Variants in LOC128462377 observed in about 807,000 individuals in gnomAD.
the LOC128462377 span, among the ~76,000 whole-genome samples, chr16:89,411,569 A>C: frequency 6.6e-6 from 1 of 151,770 alleles, no homozygotes; most frequent in African/African-American, 2.4e-5. Context: ...ACACACAACC[A>C]CGCCTGGCTA....
the LOC128462377 span, among the ~76,000 whole-genome samples, chr16:89,347,391 C>G: frequency 1.3e-5 from 2 of 152,078 alleles, no homozygotes; most frequent in African/African-American, 4.8e-5. Flanking sequence ...AGGCGGATCA[C>G]GAGGTCAGGA....
At chr16:89,400,887 C>T in the LOC128462377 span, among the ~76,000 whole-genome samples, 2 of 152,130 alleles carry the variant, frequency 1.3e-5, no homozygotes, top group Admixed American at 1.3e-4. Context: ...ACCTTGGACG[C>T]CTGTCGCCCT....
At chr16:89,364,637 A>T in the LOC128462377 span, among the ~76,000 whole-genome samples, 2 of 152,208 alleles carry the variant, frequency 1.3e-5, no homozygotes, top group Non-Finnish European at 2.9e-5. Context: ...AAAATACACC[A>T]ATGCTAACAA....
At chr16:89,355,180 G>T in the LOC128462377 span, among the ~76,000 whole-genome samples, 466 of 152,234 alleles carry the variant, frequency 3.1e-3, 4 homozygotes, top group African/African-American at 0.011. Flanking sequence ...CCCATCCCAG[G>T]CGAACCTATG....
At chr16:89,406,864 A>C in the LOC128462377 span, among the ~76,000 whole-genome samples, 1 of 152,210 alleles carries the variant, frequency 6.6e-6, no homozygotes, top group African/African-American at 2.4e-5. Context: ...GGAAAAGGGA[A>C]CAGGAGACAA....
the LOC128462377 span, among the ~76,000 whole-genome samples, chr16:89,389,788 G>T: frequency 6.9e-6 from 1 of 145,806 alleles, no homozygotes; most frequent in Non-Finnish European, 1.5e-5. Flanking sequence ...GGCAAACACC[G>T]AGTGTGGCGG....
At chr16:89,379,002 G>A in the LOC128462377 span, among the ~76,000 whole-genome samples, 1 of 152,198 alleles carries the variant, frequency 6.6e-6, no homozygotes, top group Non-Finnish European at 1.5e-5. Context: ...GCGTCAAGAC[G>A]CCTCCTGCAG....
At chr16:89,387,625 A>G in the LOC128462377 span, among the ~76,000 whole-genome samples, 1 of 148,840 alleles carries the variant, frequency 6.7e-6, no homozygotes, top group African/African-American at 2.5e-5. Flanking sequence ...GTGAGCCGAG[A>G]CTGCACCACT....
At chr16:89,344,559 T>C in the LOC128462377 span, among the ~76,000 whole-genome samples, 2 of 152,254 alleles carry the variant, frequency 1.3e-5, no homozygotes, top group Non-Finnish European at 2.9e-5. Flanking sequence ...CCTCCTTGTC[T>C]GAACGCTGCC....
chr16:89,339,099 T>A, the LOC128462377 span, among the ~76,000 whole-genome samples: 1 of 152,146 alleles, frequency 6.6e-6, no homozygotes, highest in Non-Finnish European at 1.5e-5. Context: ...TGGGTGAGCG[T>A]TGCACCCCCA....
the LOC128462377 span, among the ~76,000 whole-genome samples, chr16:89,363,838 C>A: frequency 2.0e-5 from 3 of 152,026 alleles, no homozygotes; most frequent in African/African-American, 7.2e-5. Context: ...GGAGGACTGA[C>A]TGAGGCAAAA....
the LOC128462377 span, among the ~76,000 whole-genome samples, chr16:89,350,379 A>G: frequency 2.6e-5 from 4 of 152,202 alleles, no homozygotes; most frequent in African/African-American, 9.7e-5. Context: ...TACTCATATC[A>G]GCTTGACTCC....
chr16:89,415,350 C>T, the LOC128462377 span, among the ~76,000 whole-genome samples: 15 of 149,450 alleles, frequency 1.0e-4, 1 homozygote, highest in African/African-American at 3.0e-4. Context: ...CTGCAAGCTC[C>T]GCCTCCCAGG....
the LOC128462377 span, among the ~76,000 whole-genome samples, chr16:89,362,391 A>G: frequency 6.6e-6 from 1 of 152,182 alleles, no homozygotes; most frequent in Admixed American, 6.5e-5. Flanking sequence ...AGCTGGAGAG[A>G]GTGCACGAAA....
the LOC128462377 span, among the ~76,000 whole-genome samples, chr16:89,385,493 G>C: frequency 7.2e-5 from 11 of 152,152 alleles, no homozygotes; most frequent in East Asian, 1.9e-3. Context: ...CGGGCAGAGG[G>C]AAGGGCGCCA....
At chr16:89,389,563 T>C in the LOC128462377 span, among the ~76,000 whole-genome samples, 1 of 151,930 alleles carries the variant, frequency 6.6e-6, no homozygotes, top group Admixed American at 6.5e-5. Context: ...GGAATGAACC[T>C]CTAGAGATGA....
At chr16:89,368,371 G>GTTTTT in the LOC128462377 span, among the ~76,000 whole-genome samples, 10 of 56,592 alleles carry the variant, frequency 1.8e-4, no homozygotes, top group African/African-American at 1.9e-4. Flanking sequence ...TAATTTTTGT[G>GTTTTT]TTTTTTTTTT....
chr16:89,339,755 T>C, the LOC128462377 span: 1 of 152,194 alleles, frequency 6.6e-6, no homozygotes, highest in Non-Finnish European at 1.5e-5. Context: ...CATTTAAAAA[T>C]TACAAATTAC....
At chr16:89,324,489 T>C in the LOC128462377 span, 2 of 456,424 alleles carry the variant, frequency 4.4e-6, no homozygotes, top group African/African-American at 2.0e-5. Context: ...GATGTGTAAC[T>C]GTTCCTGGGA....
Sources: gnomAD v4.1 joint callset for allele counts (sites outside exome capture counted in the v4.1 genomes callset) on GRCh38, gnomAD v4.1.1 for gene constraint, MANE v1.5 for transcripts.